SNURF: variants seen among roughly 807,000 people sequenced by gnomAD.
SNURF encodes SNRPN upstream open reading frame, also known as SNURF protein.
A neutral mutation model predicts 11.6 loss-of-function variants in SNURF; 6 were observed. The observed-to-expected ratio is 0.52, with a 90% CI of 0.28 to 1.02. The LOEUF is 1.02. Among genes scored for constraint, SNURF ranks in the 50% least tolerant of loss-of-function variants. The pLI, the probability that SNURF is intolerant of heterozygous loss-of-function variation, is 0.09. For missense variants in SNURF, 84 were observed against 88.4 expected (o/e 0.95, Z 0.20); for synonymous variants, 29 against 31.6 (o/e 0.92, Z 0.27).
chr15:24,970,229 G>A (rs901741644), downstream of SNURF, among the ~76,000 whole-genome samples: 42 of 152,086 alleles, frequency 2.8e-4, no homozygotes, highest in African/African-American at 8.2e-4. Context: ...TAAACACTTC[G>A]TACCCGTTTT....
chr15:24,970,879 A>G (rs1208856778), downstream of SNURF, among the ~76,000 whole-genome samples: 1 of 152,026 alleles, frequency 6.6e-6, no homozygotes, highest in Non-Finnish European at 1.5e-5. Context: ...AATTGGAATT[A>G]TTGTGTATTA....
At chr15:24,966,744 C>G (rs2075698416) in intron 2 of SNURF, among the ~76,000 whole-genome samples, 1 of 152,154 alleles carries the variant, frequency 6.6e-6, no homozygotes, top group Admixed American at 6.5e-5. Flanking sequence ...CTTTATTATA[C>G]AGAAGCAATT....
chr15:24,956,943 GTTT>G (rs2063023222), intron 1 of SNURF, among the ~76,000 whole-genome samples: 1 of 152,226 alleles, frequency 6.6e-6, no homozygotes, highest in South Asian at 2.1e-4. Context: ...CTGCTGTGCT[GTTT>G]CAGCAAGCCT....
At chr15:24,977,941 C>T (rs376410360), downstream of SNURF, 97 of 1,531,746 alleles carry the variant, frequency 6.3e-5, no homozygotes, top group South Asian at 7.0e-4. Context: ...AACACGAAGA[C>T]GAACTTGAAT....
intron 1 of SNURF, among the ~76,000 whole-genome samples, chr15:24,959,211 A>C (rs2074373556): frequency 6.6e-6 from 1 of 152,226 alleles, no homozygotes; most frequent in Non-Finnish European, 1.5e-5. Flanking sequence ...TCAGTTTCAT[A>C]AAATGTTGGT....
exon 3 of SNURF, chr15:24,968,192 A>C: frequency 1.5e-6 from 1 of 682,106 alleles, no homozygotes; most frequent in South Asian, 1.7e-5. Context: ...AGAGCTTCAT[A>C]CAATAAACAC....
rs112560608 is a variant in SNURF, at chr15:24,974,466, A to G, written c.*46-892A>G. 11,977 of 1,613,552 alleles carry G rather than the reference A, an allele frequency of 7.4e-3. 81 individuals carry two copies. Among genetic ancestry groups the G allele is most frequent in the South Asian group, 0.015 (1,358 of 91,058 alleles). On this transcript the variant is annotated intron_variant and NMD_transcript_variant, in intron 3 of 6. Coordinates refer to the SNURF transcript ENST00000580062. Reference sequence around the variant, plus strand: ...TGGAACAGCAATCATGGTAAGCTGTATGATAAGGCTGAGGGTTGAAATGTG... The same window carrying G: ...TGGAACAGCAATCATGGTAAGCTGTGTGATAAGGCTGAGGGTTGAAATGTG...
At chr15:24,958,192 A>G (rs796476066) in intron 1 of SNURF, among the ~76,000 whole-genome samples, 1 of 152,260 alleles carries the variant, frequency 6.6e-6, no homozygotes, top group African/African-American at 2.4e-5. Context: ...TTTTCCTAAT[A>G]AACATCTTTG....
At chr15:24,972,255 CAAAAAAAAA>C (rs5811371), downstream of SNURF, among the ~76,000 whole-genome samples, 1 of 108,272 alleles carries the variant, frequency 9.2e-6, no homozygotes, top group African/African-American at 3.5e-5. Flanking sequence ...GACTCTGTCT[CAAAAAAAAA>C]AAAAAAAGGA....
chr15:24,972,981 G>A (rs564476202), downstream of SNURF, among the ~76,000 whole-genome samples: 1 of 152,000 alleles, frequency 6.6e-6, no homozygotes, highest in African/African-American at 2.4e-5. Flanking sequence ...TCTGCCTCCT[G>A]GTTTCAAGCG....
chr15:24,978,356 C>T (rs201250281), downstream of SNURF: 10 of 1,613,722 alleles, frequency 6.2e-6, no homozygotes, highest in Admixed American at 6.7e-5. Flanking sequence ...TTCAGCCAGG[C>T]CCCTGAATAT....
chr15:24,967,739 C>T (rs1315801240), intron 2 of SNURF, among the ~76,000 whole-genome samples, 193 bp from the exon 3 acceptor site: 2 of 144,380 alleles, frequency 1.4e-5, no homozygotes, highest in African/African-American at 5.2e-5. Flanking sequence ...ACCCCGAAGG[C>T]AGTGTTTGTG....
chr15:24,977,065 G>A, intron 6 of SNURF: 1 of 1,500,580 alleles, frequency 6.7e-7, no homozygotes, highest in Middle Eastern at 2.0e-4. Flanking sequence ...ATTATTGGGA[G>A]AATATGACTA....
chr15:24,977,915 A>C, downstream of SNURF: 1 of 1,559,714 alleles, frequency 6.4e-7, no homozygotes. Context: ...CCCCACCTCC[A>C]GGTAAGGGAT....
At chr15:24,955,797 ATGGCGGTGGTGGACTT>A (rs1395368223) in intron 1 of SNURF, among the ~76,000 whole-genome samples, 9 of 150,314 alleles carry the variant, frequency 6.0e-5, no homozygotes, top group African/African-American at 1.7e-4. Context: ...GCGGGTAGGC[ATGGCGGTGGTGGACTT>A]TGGCGGCGGT....
downstream of SNURF, chr15:24,978,138 C>G (rs374121458): frequency 2.9e-5 from 45 of 1,573,418 alleles, no homozygotes; most frequent in East Asian, 3.6e-4. Flanking sequence ...GGGCTAAATT[C>G]TAACTTTTCT....
chr15:24,977,124 T>TTA, intron 6 of SNURF: 1 of 974,098 alleles, frequency 1.0e-6, no homozygotes, highest in Middle Eastern at 3.0e-4. Flanking sequence ...TGTCATACAA[T>TTA]GTAAACAGCA....
chr15:24,960,866 A>C (rs2153462412), intron 1 of SNURF, among the ~76,000 whole-genome samples: 1 of 152,318 alleles, frequency 6.6e-6, no homozygotes, highest in East Asian at 1.9e-4. Flanking sequence ...AGATAAGTAC[A>C]TGCCTTTGAA....
rs140946272 is a variant in SNURF at position 24,976,041 on chromosome 15, T to C, written c.*198-264T>C. Among the ~76,000 whole-genome samples the C allele has an allele frequency of 3.1e-3, 479 of 152,360 alleles. 6 individuals carry two copies. The highest frequency in any genetic ancestry group is 0.023 in the Admixed American group (355 of 15,300). ...TTTCAATTTTGTTTTTCTTAAAAGG[T>C]ATTTCACAAAAGAAATTAGTCTTGT... is the stretch of plus-strand genomic sequence containing the variant. On this transcript the variant is annotated intron_variant and NMD_transcript_variant, in intron 4 of 6. Coordinates refer to the SNURF transcript ENST00000580062.
Sources: allele counts gnomAD v4.1 joint callset (sites outside exome capture counted in the v4.1 genomes callset), GRCh38; gene constraint gnomAD v4.1.1; transcripts MANE v1.5; gene names NCBI Gene and HGNC (gene_info 2026-07-23, HGNC 2026-07-21).